The following ZNF248 variants were observed in gnomAD, a reference collection of about 807,000 sequenced individuals.
ZNF248 encodes KRAB protein domain.
In ZNF248, 20 loss-of-function variants were observed where a neutral mutation model predicts 44.3. The observed-to-expected ratio is 0.45, with a 90% confidence interval of 0.32 to 0.66. The LOEUF (loss-of-function observed/expected upper bound fraction) is 0.66. Ranked by LOEUF, ZNF248 falls within the 30% of genes least tolerant of loss-of-function variation. The pLI is 0.04. For missense variants in ZNF248, 654 were observed against 677.0 expected (o/e 0.97, Z 0.38); for synonymous variants, 224 against 229.0 (o/e 0.98, Z 0.20).
intron 3 of ZNF248, among the ~76,000 whole-genome samples, chr10:37,853,591 G>A (rs2060711249): frequency 6.6e-6 from 1 of 151,984 alleles, no homozygotes; most frequent in African/African-American, 2.4e-5. Flanking sequence ...TGTTGGTCAG[G>A]CTGGTCGCGA....
downstream of ZNF248, among the ~76,000 whole-genome samples, chr10:37,824,362 C>T (rs1292522706): frequency 1.3e-5 from 2 of 152,272 alleles, no homozygotes; most frequent in South Asian, 4.1e-4. Flanking sequence ...TACCCCCTCA[C>T]AGATATACCG....
rs2057574838 is a variant in ZNF248, at chr10:37,838,005, T to C, written c.122A>G (p.Tyr41Cys). The change falls in exon 4 of 6, where the codon TAT becomes TGT. Residue 41 changes from tyrosine (Y) to cysteine (C), a missense_variant. Coordinates refer to ENST00000395867, the MANE Select transcript of ZNF248 (RefSeq NM_021045.3). ...ILYRDVILEN[Y>C]SNLVSVGYCI... ...CTTACCTACTGAGACAAGATTGCTATAATTTTCCAGGATCACATCTCTGTA... is the reference window on the plus strand; with the variant it reads ...CTTACCTACTGAGACAAGATTGCTACAATTTTCCAGGATCACATCTCTGTA... 2 of 1,613,698 alleles carry C rather than the reference T, an allele frequency of 1.2e-6. No individual in the cohort carries two copies. Among genetic ancestry groups the C allele is most frequent in the Non-Finnish European group, 1.7e-6 (2 of 1,179,758 alleles).
chr10:37,831,652 C>G lies in ZNF248; in HGVS notation c.1703G>C (p.Arg568Thr), dbSNP rs2055663551. The change falls in exon 6 of 6, where the codon AGA (arginine) becomes ACA (threonine). Residue 568 changes from arginine (R) to threonine (T), a missense_variant. Transcript: ENST00000395867. ...AAGAGCTTTCACCCTTGTGTGAATT[C>G]TCTGATGTTTGGTGAGCACTGACCT... is the stretch of plus-strand genomic sequence containing the variant. ...SQRSVLTKHQ[R>T]IHTRVKALST... 6.2e-7 allele frequency: 1 copy of G among 1,613,746 alleles called. No individual in the cohort carries two copies. Among genetic ancestry groups the G allele is most frequent in the Non-Finnish European group, 8.5e-7 (1 of 1,179,832 alleles).
At chr10:37,816,919 C>T (rs778424149) in intron 6 of ZNF248, among the ~76,000 whole-genome samples, 11 of 152,086 alleles carry the variant, frequency 7.2e-5, no homozygotes, top group Non-Finnish European at 1.3e-4. Context: ...AACCTCCACA[C>T]TACTAAGTCA....
the ZNF248 span, among the ~76,000 whole-genome samples, chr10:37,769,967 T>C: frequency 1.3e-5 from 2 of 152,164 alleles, no homozygotes; most frequent in Non-Finnish European, 2.9e-5. Context: ...CAAGCATTCT[T>C]ATACACCAAT....
intron 3 of ZNF248, among the ~76,000 whole-genome samples, chr10:37,842,288 G>C (rs1288927974): frequency 1.3e-5 from 2 of 152,106 alleles, no homozygotes; most frequent in African/African-American, 2.4e-5. Flanking sequence ...GTGGCACCAA[G>C]CTCAGGTCCC....
At chr10:37,821,771 A>G (rs913087964) in intron 6 of ZNF248, among the ~76,000 whole-genome samples, 7 of 152,164 alleles carry the variant, frequency 4.6e-5, no homozygotes, top group African/African-American at 1.7e-4. Context: ...ACAAGACGCT[A>G]ATGGATTCCA....
chr10:37,850,217 G>A (rs755410582), intron 3 of ZNF248, among the ~76,000 whole-genome samples: 11 of 152,190 alleles, frequency 7.2e-5, no homozygotes, highest in Non-Finnish European at 1.6e-4. Flanking sequence ...TCTTTGAACA[G>A]CGTTTGCAAT....
chr10:37,827,220 C>G (rs2054518204), downstream of ZNF248, among the ~76,000 whole-genome samples: 1 of 152,172 alleles, frequency 6.6e-6, no homozygotes, highest in Non-Finnish European at 1.5e-5. Flanking sequence ...TACTAGGGGT[C>G]TGAGTTGAAG....
At chr10:37,820,771 T>C (rs2053333190) in intron 6 of ZNF248, 1 of 1,228,598 alleles carries the variant, frequency 8.1e-7, no homozygotes, top group Non-Finnish European at 1.2e-6. Flanking sequence ...GTCCCTTTTG[T>C]TAAATCTGAT....
At chr10:37,854,036 G>A (rs1043302793) in intron 3 of ZNF248, among the ~76,000 whole-genome samples, 16 of 152,278 alleles carry the variant, frequency 1.1e-4, no homozygotes, top group East Asian at 5.8e-4. Context: ...AGCACACATC[G>A]GGGGGTGGAG....
chr10:37,768,631 G>A, the ZNF248 span, among the ~76,000 whole-genome samples: 41 of 152,114 alleles, frequency 2.7e-4, no homozygotes, highest in Non-Finnish European at 5.7e-4. Flanking sequence ...AGTGTGTAGA[G>A]GGAAATTTAT....
the ZNF248 span, among the ~76,000 whole-genome samples, chr10:37,763,022 C>G: frequency 6.6e-6 from 1 of 152,088 alleles, no homozygotes; most frequent in African/African-American, 2.4e-5. Context: ...ATGGTCATTT[C>G]CATTAATATA....
intron 6 of ZNF248, among the ~76,000 whole-genome samples, chr10:37,779,642 A>AT (rs1487362069): frequency 1.3e-5 from 2 of 152,020 alleles, no homozygotes; most frequent in African/African-American, 4.8e-5. Context: ...CCTATTCAAC[A>AT]TAGTGGTGGA....
At chr10:37,855,279 C>T (rs952079618) in intron 3 of ZNF248, among the ~76,000 whole-genome samples, 7 of 152,036 alleles carry the variant, frequency 4.6e-5, no homozygotes, top group African/African-American at 1.7e-4. Context: ...GAAAATGTCT[C>T]GGTTTTAATG....
At chr10:37,767,721 A>G in the ZNF248 span, among the ~76,000 whole-genome samples, 29 of 152,198 alleles carry the variant, frequency 1.9e-4, no homozygotes, top group Non-Finnish European at 3.7e-4. Flanking sequence ...CATCAACTAA[A>G]GAGCAAAATA....
chr10:37,776,711 C>T (rs2046612567), intron 6 of ZNF248: 1 of 375,066 alleles, frequency 2.7e-6, no homozygotes, highest in African/African-American at 2.1e-5. Flanking sequence ...CACAGTCATG[C>T]AGCCTGACCC....
rs1019630993 is a variant in ZNF248 at position 37,831,180 on chromosome 10, A to C, written c.*435T>G. On this transcript the variant is annotated 3_prime_UTR_variant, in exon 6 of 6. Coordinates refer to ENST00000395867, the MANE Select transcript of ZNF248 (RefSeq NM_021045.3). ...GTATCTTCTCCTTATGATCATGTTG[A>C]GTTCCAATATACAAATCAAGCATAC... 5.2e-6 allele frequency: 8 copies of C among 1,533,940 alleles called. No homozygotes were observed. The Admixed American group carries it at 1.4e-4, about 28-fold the overall frequency.
chr10:37,837,970 A>G lies in ZNF248; in HGVS notation c.142+15T>C, dbSNP rs778594354. ...GCATGCTATTGATAGCCATGTGCGG[A>G]AAAAAACTCCTTACCTACTGAGACA... is the stretch of plus-strand genomic sequence containing the variant. On this transcript the variant is annotated intron_variant, in intron 4 of 5. Transcript: ENST00000395867. The G allele has an allele frequency of 9.9e-6, 16 of 1,610,430 alleles. No individual in the cohort carries two copies. Among genetic ancestry groups the G allele is most frequent in the Non-Finnish European group, 1.3e-5 (15 of 1,178,068 alleles).
Sources: allele counts gnomAD v4.1 joint callset (sites outside exome capture counted in the v4.1 genomes callset), GRCh38; gene constraint gnomAD v4.1.1; transcripts MANE v1.5; gene names NCBI Gene and HGNC (gene_info 2026-07-23, HGNC 2026-07-21).